AFF2: variants seen among roughly 807,000 people sequenced by gnomAD.
AFF2 encodes ALF transcription elongation factor 2.
AFF2 carries 14 observed loss-of-function variants against 76.9 expected under a neutral mutation model. That is an observed-to-expected ratio of 0.18 (90% confidence interval 0.12 to 0.28). AFF2 has a LOEUF of 0.28. AFF2 is among the 10% of genes least tolerant of loss of function. AFF2 has a pLI of 1.00. For synonymous variants in AFF2, 398 were observed against 366.7 expected (o/e 1.09, Z -0.98); for missense variants, 868 against 1,001.1 (o/e 0.87, Z 1.79).
intron 3 of AFF2, among the ~76,000 whole-genome samples, chrX:148,669,844 A>G (rs2054402995): frequency 9.0e-6 from 1 of 111,593 alleles, no homozygotes; most frequent in African/African-American, 3.3e-5. Flanking sequence ...GCTATTTCCA[A>G]ACCCATCAAA....
At chrX:148,650,534 G>A (rs1395369815) in intron 1 of AFF2, among the ~76,000 whole-genome samples, 1 of 112,019 alleles carries the variant, frequency 8.9e-6, no homozygotes, top group African/African-American at 3.2e-5. Context: ...TGTATCTGAC[G>A]TTTGTATTAT....
intron 7 of AFF2, among the ~76,000 whole-genome samples, chrX:148,855,031 G>A (rs1240601338): frequency 1.8e-5 from 2 of 111,315 alleles, no homozygotes; most frequent in Non-Finnish European, 3.8e-5. Flanking sequence ...TGAGAATGTT[G>A]GTATACTATT....
intron 8 of AFF2, among the ~76,000 whole-genome samples, chrX:148,902,407 T>G (rs2071363897): frequency 8.9e-6 from 1 of 111,962 alleles, no homozygotes; most frequent in Non-Finnish European, 1.9e-5. Context: ...ATTTCCACAG[T>G]GACATGTCTT....
At chrX:148,678,038 C>T (rs1368337924) in intron 3 of AFF2, among the ~76,000 whole-genome samples, 1 of 111,780 alleles carries the variant, frequency 8.9e-6, no homozygotes, top group Non-Finnish European at 1.9e-5. Flanking sequence ...ATGTTTTTTT[C>T]AAATATAGAG....
chrX:148,531,390 C>T (rs1027163144), intron 1 of AFF2, among the ~76,000 whole-genome samples: 38 of 112,245 alleles, frequency 3.4e-4, no homozygotes, highest in African/African-American at 1.2e-3. Context: ...ATAGAAGATA[C>T]AGTAGGAAAA....
intron 3 of AFF2, among the ~76,000 whole-genome samples, chrX:148,698,608 CAG>C (rs1178202889): frequency 1.3e-4 from 15 of 112,149 alleles, no homozygotes; most frequent in South Asian, 7.3e-4. Flanking sequence ...AAAAAATGGA[CAG>C]AGTTTCCAAT....
chrX:148,780,313 G>T (rs1039202596), intron 3 of AFF2, among the ~76,000 whole-genome samples: 1 of 111,736 alleles, frequency 8.9e-6, no homozygotes, highest in Admixed American at 9.4e-5. Context: ...GGTTGGGGAG[G>T]TTCTCCTGGA....
chrX:148,637,696 T>G (rs1284640608), intron 1 of AFF2, among the ~76,000 whole-genome samples: 1 of 112,439 alleles, frequency 8.9e-6, no homozygotes, highest in South Asian at 3.6e-4. Context: ...ATTAATGCTA[T>G]ATTTAATATT....
intron 1 of AFF2, among the ~76,000 whole-genome samples, chrX:148,602,705 G>A (rs1172075306): frequency 9.0e-6 from 1 of 110,972 alleles, no homozygotes; most frequent in East Asian, 2.9e-4. Context: ...GCAATGTAGA[G>A]TAACAGTTAA....
intron 3 of AFF2, among the ~76,000 whole-genome samples, chrX:148,752,991 C>T (rs782308129): frequency 9.0e-6 from 1 of 111,331 alleles, no homozygotes; most frequent in East Asian, 2.8e-4. Flanking sequence ...TCCTCCCTTC[C>T]CAGGACACAT....
chrX:148,747,480 TTATTA>T (rs1366069494), intron 3 of AFF2, among the ~76,000 whole-genome samples: 2 of 112,142 alleles, frequency 1.8e-5, no homozygotes, highest in Non-Finnish European at 3.8e-5. Context: ...ATTTGAATCT[TTATTA>T]TAAGACATTT....
chrX:148,847,046 G>A (rs2124675300), intron 7 of AFF2, among the ~76,000 whole-genome samples: 1 of 111,258 alleles, frequency 9.0e-6, no homozygotes, highest in South Asian at 3.9e-4. Flanking sequence ...GACTACAGGT[G>A]CCCGCCACCT....
chrX:148,621,861 A>G (rs2053871300), intron 1 of AFF2, among the ~76,000 whole-genome samples: 1 of 112,062 alleles, frequency 8.9e-6, no homozygotes, highest in African/African-American at 3.2e-5. Flanking sequence ...TGAGTCAGAA[A>G]GTAAACAAGT....
At chrX:148,947,852 A>G (rs1557286252) in intron 9 of AFF2, among the ~76,000 whole-genome samples, 1 of 112,680 alleles carries the variant, frequency 8.9e-6, no homozygotes, top group Non-Finnish European at 1.9e-5. Context: ...TAGACATTTT[A>G]TCCCAGTAAA....
intron 7 of AFF2, among the ~76,000 whole-genome samples, chrX:148,855,886 T>C (rs1557275856): frequency 8.9e-6 from 1 of 112,135 alleles, no homozygotes; most frequent in Non-Finnish European, 1.9e-5. Flanking sequence ...GCCTGGTACG[T>C]AGGAATTTTT....
At chrX:148,955,355 T>C (rs782505999) in intron 10 of AFF2, among the ~76,000 whole-genome samples, 1 of 112,848 alleles carries the variant, frequency 8.9e-6, no homozygotes, top group Non-Finnish European at 1.9e-5. Flanking sequence ...TAGAGAATAT[T>C]TTCAGAGAAG....
intron 3 of AFF2, among the ~76,000 whole-genome samples, chrX:148,766,649 G>A (rs1046126629): frequency 9.2e-6 from 1 of 108,878 alleles, no homozygotes; most frequent in Non-Finnish European, 1.9e-5. Context: ...CTCCCATTTT[G>A]TAGGTTGCCT....
rs1557293620 is a variant in AFF2, at chrX:148,998,147, C to T, written c.*6815C>T. On this transcript the variant is annotated 3_prime_UTR_variant, in exon 21 of 21. Coordinates refer to ENST00000370460, the MANE Select transcript of AFF2 (RefSeq NM_002025.4). ...ATCAGAAGATACCTAAAATTCTCCC[C>T]TTTTGCCCACTTGGTTAGATGAGTG... 9.0e-6 allele frequency: 1 copy of T among 111,555 alleles called. No individual in the cohort carries two copies. The allele number at this position is 111,555 out of a possible 1,213,427, so 9.2% of individuals were successfully genotyped here.
intron 9 of AFF2, among the ~76,000 whole-genome samples, chrX:148,908,189 G>C (rs139092636): frequency 0.012 from 1,383 of 110,819 alleles, 25 homozygotes; most frequent in African/African-American, 0.043. Flanking sequence ...GTGCAGTTAA[G>C]GCAATCATTA....
Sources: gnomAD v4.1 joint callset for allele counts (sites outside exome capture counted in the v4.1 genomes callset) on GRCh38, gnomAD v4.1.1 for gene constraint, MANE v1.5 for transcripts, NCBI Gene and HGNC (gene_info 2026-07-23, HGNC 2026-07-21) for gene names.